ZNRF3: variants seen among roughly 807,000 people sequenced by gnomAD.
ZNRF3 encodes E3 ubiquitin-protein ligase ZNRF3.
Under a neutral mutation model 72.5 loss-of-function variants are expected in ZNRF3, and 23 were observed. The ratio of observed to expected loss-of-function variants is 0.32; its 90% CI spans 0.23 to 0.45. ZNRF3 has a LOEUF of 0.45. Among genes scored for constraint, ZNRF3 ranks in the 20% least tolerant of loss-of-function variants. ZNRF3 has a pLI of 1.00. For missense variants in ZNRF3, 1,169 were observed against 1,272.1 expected, an observed-to-expected ratio of 0.92 and a Z score of 1.23; for synonymous variants, 610 against 545.3, an observed-to-expected ratio of 1.12 and a Z score of -1.65.
chr22:28,929,354 T>C (rs73881193), intron 1 of ZNRF3, among the ~76,000 whole-genome samples: 2,741 of 152,310 alleles, frequency 0.018, 96 homozygotes, highest in African/African-American at 0.063. Flanking sequence ...ATTTTTTTGT[T>C]GTGGCTCCTG....
rs2034174830 is a variant in ZNRF3, at chr22:28,904,789, C to G, written c.300+20723C>G. Among the ~76,000 whole-genome samples the G allele has an allele frequency of 5.3e-5, 8 of 152,096 alleles. No individual in the cohort carries two copies. In the South Asian group the frequency reaches 1.7e-3, roughly 31 times the overall value. On this transcript the variant is annotated intron_variant, in intron 1 of 8. Coordinates refer to ENST00000544604, the MANE Select transcript of ZNRF3 (RefSeq NM_001206998.2). ...GGTAAAGGCTACCTCTCTGTATCCTCCTGCCTGCTTGAGATTGCTTAAGGC... is the reference window on the plus strand; with the variant it reads ...GGTAAAGGCTACCTCTCTGTATCCTGCTGCCTGCTTGAGATTGCTTAAGGC...
At chr22:28,891,373 A>T (rs2033883641) in intron 1 of ZNRF3, among the ~76,000 whole-genome samples, 1 of 152,226 alleles carries the variant, frequency 6.6e-6, no homozygotes, top group Non-Finnish European at 1.5e-5. Context: ...AAAGCCAGGC[A>T]TTCTTAAATT....
intron 2 of ZNRF3, among the ~76,000 whole-genome samples, chr22:28,999,419 T>C (rs972335397): frequency 4.6e-5 from 7 of 152,052 alleles, no homozygotes; most frequent in Non-Finnish European, 1.0e-4. Context: ...GAGGCTGCAA[T>C]GAGCTATGAT....
intron 1 of ZNRF3, among the ~76,000 whole-genome samples, chr22:28,974,433 G>A (rs1033998070): frequency 6.6e-6 from 1 of 152,126 alleles, no homozygotes; most frequent in Non-Finnish European, 1.5e-5. Flanking sequence ...TCAAACTCCC[G>A]ATTAAACAAC....
At chr22:28,920,373 C>T (rs369149712) in intron 1 of ZNRF3, among the ~76,000 whole-genome samples, 11 of 152,098 alleles carry the variant, frequency 7.2e-5, no homozygotes, top group African/African-American at 1.7e-4. Flanking sequence ...CGGGTTCAAA[C>T]GATTCTCGTG....
intron 1 of ZNRF3, among the ~76,000 whole-genome samples, chr22:28,982,149 G>T (rs2035775215): frequency 6.6e-6 from 1 of 152,114 alleles, no homozygotes; most frequent in Non-Finnish European, 1.5e-5. Context: ...GAATCCAGTT[G>T]TTGACTAATA....
In ZNRF3 at chr22:28,937,592, T is replaced by C. The variant is rs1275385480; in HGVS notation, c.301-49484T>C. On this transcript the variant is annotated intron_variant, in intron 1 of 8. Transcript: ENST00000544604. ...CTATCAGAATCATCTGCCCCACCTC[T>C]AGAGTGTCTGATCAGTAGCTTTGGG... 2.6e-5 allele frequency among the ~76,000 whole-genome samples: 4 copies of C among 152,278 alleles called. No individual in the cohort carries two copies. The South Asian group carries it at 6.2e-4, about 24-fold the overall frequency.
intron 2 of ZNRF3, among the ~76,000 whole-genome samples, chr22:29,012,659 G>T (rs1217866086): frequency 6.6e-6 from 1 of 152,194 alleles, no homozygotes; most frequent in Non-Finnish European, 1.5e-5. Context: ...CCCATCGAGG[G>T]CCGTTAACTT....
Position 29,049,570 on chromosome 22 carries a change from C to A in ZNRF3, c.1389C>A (p.Ser463=). Residue 463 remains serine, a synonymous_variant, in exon 8 of 9, where the codon TCC becomes TCA. Transcript: ENST00000544604. This position sits in a 1 kb window ranked among gnomAD's most constrained non-coding sequence, Gnocchi z 5.2. ...GCTTCTCCAAGGCAGCTTGCTTCTC[C>A]CAGTATGAGACCATGTACCAGCACT... ...GRSFSKAACF[S]QYETMYQHYY... is the part of the protein sequence containing the mutation. 1 of 1,605,916 alleles carries A rather than the reference C, an allele frequency of 6.2e-7. No homozygotes were observed.
At chr22:28,906,879 C>A (rs963033339) in intron 1 of ZNRF3, among the ~76,000 whole-genome samples, 1 of 152,236 alleles carries the variant, frequency 6.6e-6, no homozygotes, top group South Asian at 2.1e-4. Flanking sequence ...AGCTCCCCCT[C>A]ACCTCCCAAT....
At chr22:29,022,363 T>C (rs921650502) in intron 2 of ZNRF3, among the ~76,000 whole-genome samples, 2 of 152,194 alleles carry the variant, frequency 1.3e-5, no homozygotes, top group African/African-American at 4.8e-5. Flanking sequence ...TCCTCTTGAC[T>C]GTCAGATCCT....
Position 29,050,730 on chromosome 22 carries a change from A to G in ZNRF3, c.2549A>G (p.His850Arg). The G allele has an allele frequency of 6.2e-7, 1 of 1,610,816 alleles. No homozygotes were observed. The highest frequency in any genetic ancestry group is 8.5e-7 in the Non-Finnish European group (1 of 1,178,834). ...CTGCCCTCGGACTGCCAAGGGACCC[A>G]CAGCCTCGGCTCCTGGGGTGGGACG... Reference protein sequence around the residue: ...LGLPSDCQGTHSLGSWGGTRG... With the variant: ...LGLPSDCQGTRSLGSWGGTRG... The change falls in exon 8 of 9, where the codon CAC becomes CGC. Residue 850 changes from histidine (H) to arginine (R), a missense_variant. Transcript: ENST00000544604.
intron 2 of ZNRF3, among the ~76,000 whole-genome samples, chr22:29,013,876 T>G (rs2036385921): frequency 6.6e-6 from 1 of 152,212 alleles, no homozygotes. Flanking sequence ...CATGAGGCAC[T>G]GGATGGGGCA....
At position 28,955,542 on chromosome 22, in the gene ZNRF3, G is replaced by A. The variant is rs576465023; in HGVS notation, c.301-31534G>A. ...ACATGAATGTGGTGTATAGTTTTTG[G>A]ATCATGTTTTGTGGAGCAGCATCCT... On this transcript the variant is annotated intron_variant, in intron 1 of 8. Coordinates refer to ENST00000544604, the MANE Select transcript of ZNRF3 (RefSeq NM_001206998.2). 1.8e-4 allele frequency among the ~76,000 whole-genome samples: 28 copies of A among 152,278 alleles called. No homozygotes were observed. In the South Asian group the frequency reaches 2.5e-3, roughly 14 times the overall value.
At chr22:28,921,374 C>T (rs1363449400) in intron 1 of ZNRF3, among the ~76,000 whole-genome samples, 1 of 152,198 alleles carries the variant, frequency 6.6e-6, no homozygotes, top group Admixed American at 6.5e-5. Flanking sequence ...ATTCTAAAGC[C>T]CTTGACATTT....
chr22:28,906,260 G>C (rs911446309), intron 1 of ZNRF3, among the ~76,000 whole-genome samples: 1 of 152,254 alleles, frequency 6.6e-6, no homozygotes, highest in African/African-American at 2.4e-5. Context: ...CTGGGAGGCA[G>C]AGGCTGCAGT....
intron 2 of ZNRF3, among the ~76,000 whole-genome samples, chr22:29,038,045 A>G (rs541732464): frequency 3.9e-5 from 6 of 152,142 alleles, no homozygotes; most frequent in Non-Finnish European, 7.4e-5. Context: ...TCATCCAACC[A>G]TATCCACCAG....
At chr22:28,987,567 G>A (rs1293201296) in intron 2 of ZNRF3, among the ~76,000 whole-genome samples, 1 of 152,152 alleles carries the variant, frequency 6.6e-6, no homozygotes, top group Admixed American at 6.5e-5. Flanking sequence ...TCTGAGATTT[G>A]GGGGGTTTAG....
chr22:29,035,773 T>C (rs1309605212), intron 2 of ZNRF3, among the ~76,000 whole-genome samples: 1 of 151,994 alleles, frequency 6.6e-6, no homozygotes, highest in Non-Finnish European at 1.5e-5. Flanking sequence ...AGAGGTGGGA[T>C]TTCACCGTGT....
Sources: allele counts gnomAD v4.1 joint callset (sites outside exome capture counted in the v4.1 genomes callset), GRCh38; gene constraint gnomAD v4.1.1; non-coding constraint Gnocchi (gnomAD v3.1); transcripts MANE v1.5; gene names NCBI Gene and HGNC (gene_info 2026-07-23, HGNC 2026-07-21).